UNC13C: variants seen among roughly 807,000 people sequenced by gnomAD.
UNC13C encodes protein unc-13 homolog C.
In UNC13C, 174 loss-of-function variants were observed where a neutral mutation model predicts 245.4. The ratio of observed to expected loss-of-function variants is 0.71; its 90% CI spans 0.63 to 0.80. UNC13C has a LOEUF of 0.80. UNC13C is among the 30% of genes least tolerant of loss of function. The probability of loss-of-function intolerance (pLI) is 0.00; values close to 1 mark genes in which losing one functional copy is unlikely to be tolerated. For missense variants in UNC13C, 2,829 were observed against 2,602.9 expected (o/e 1.09, Z -1.89); for synonymous variants, 992 against 895.1 (o/e 1.11, Z -1.93).
intron 2 of UNC13C, among the ~76,000 whole-genome samples, chr15:54,038,122 ATATTT>A (rs921844351): frequency 1.4e-4 from 7 of 50,256 alleles, no homozygotes; most frequent in Admixed American, 4.0e-4. Context: ...ATATATATAT[ATATTT>A]TTTTTTTTTT....
chr15:53,921,173 A>G, the UNC13C span, among the ~76,000 whole-genome samples: 2 of 152,070 alleles, frequency 1.3e-5, no homozygotes, highest in East Asian at 3.9e-4. Context: ...TATGACAGGA[A>G]AGAACATTGC....
rs1433391926 is a variant in UNC13C at position 54,623,932 on chromosome 15, A to G, written c.6337A>G (p.Lys2113Glu). 1 of 1,613,210 alleles carries G rather than the reference A, an allele frequency of 6.2e-7. No homozygotes were observed. Among genetic ancestry groups the G allele is most frequent in the Non-Finnish European group, 8.5e-7 (1 of 1,179,352 alleles). The change falls in exon 32 of 33, where the codon AAG (lysine) becomes GAG (glutamate). Residue 2113 changes from lysine (K) to glutamate (E), a missense_variant. Lys to Glu is a moderately conservative substitution (Grantham distance 56, BLOSUM62 1). Coordinates refer to ENST00000260323, the MANE Select transcript of UNC13C (RefSeq NM_001080534.3). ...TKTKSNTWSP[K>E]YNETFQFILG... The stretch of plus-strand genomic sequence containing the variant: ...AACAAAAAGCAACACATGGTCACCA[A>G]AGTACAATGAAACATTTCAGTTGTA...
intron 4 of UNC13C, among the ~76,000 whole-genome samples, chr15:54,186,017 A>G (rs543008209): frequency 1.2e-3 from 181 of 150,962 alleles, no homozygotes; most frequent in African/African-American, 4.0e-3. Context: ...TAGGTATTTT[A>G]TTCTCTTTGA....
At chr15:54,207,316 G>A (rs1156910973) in intron 4 of UNC13C, among the ~76,000 whole-genome samples, 2 of 151,862 alleles carry the variant, frequency 1.3e-5, no homozygotes, top group Non-Finnish European at 2.9e-5. Flanking sequence ...TCCTGAGAAT[G>A]GATTAGTTTC....
At chr15:54,567,770 A>T in intron 29 of UNC13C, 30 bp from the exon 30 acceptor site, 2 of 1,554,774 alleles carry the variant, frequency 1.3e-6, no homozygotes, top group Admixed American at 4.0e-5. Flanking sequence ...TTCTCTCTAA[A>T]TGCCTCGGCT....
At chr15:54,546,875 A>C (rs1484953173) in intron 27 of UNC13C, 30 bp downstream of exon 27, 1 of 1,544,950 alleles carries the variant, frequency 6.5e-7, no homozygotes, top group African/African-American at 1.4e-5. Flanking sequence ...TTATGCTTTC[A>C]TTAACCCATC....
rs2141344592 is a variant in UNC13C at position 54,200,409 on chromosome 15, C to T, written c.3072-34621C>T. ...ATTCATCAGCACATGGAACATTCTC[C>T]TGGATAGACCATATGACAGGCCACA... On this transcript the variant is annotated intron_variant, in intron 4 of 32. Coordinates refer to ENST00000260323, the MANE Select transcript of UNC13C (RefSeq NM_001080534.3). Among the ~76,000 whole-genome samples the T allele has an allele frequency of 1.3e-5, 2 of 152,152 alleles. 1 individual carries two copies. Among genetic ancestry groups the T allele is most frequent in the South Asian group, 4.1e-4 (2 of 4,824 alleles).
At position 54,533,044 on chromosome 15, in the gene UNC13C, C is replaced by G. The variant is rs373824122; in HGVS notation, c.5674C>G (p.Leu1892Val). Residue 1892 changes from leucine (L) to valine (V), a missense_variant, in exon 26 of 33, where the codon CTT becomes GTT. Coordinates refer to ENST00000260323, the MANE Select transcript of UNC13C (RefSeq NM_001080534.3). ...AMDAEIVLRSLMDFLDKTLSL... is the reference protein window; with the variant it reads ...AMDAEIVLRSVMDFLDKTLSL... ...GGATGCAGAGATTGTGTTAAGATCTCTTATGGATTTTTTGGACAAAACGTA... is the reference window on the plus strand; with the variant it reads ...GGATGCAGAGATTGTGTTAAGATCTGTTATGGATTTTTTGGACAAAACGTA... 6 of 1,593,712 alleles carry G rather than the reference C, an allele frequency of 3.8e-6. No homozygotes were observed. Among genetic ancestry groups the G allele is most frequent in the Non-Finnish European group, 5.1e-6 (6 of 1,170,274 alleles).
chr15:54,216,719 G>T (rs941063879), intron 4 of UNC13C, among the ~76,000 whole-genome samples: 35 of 152,044 alleles, frequency 2.3e-4, no homozygotes, highest in African/African-American at 8.4e-4. Context: ...CAGAGTGAGC[G>T]AGATGAAAGA....
the UNC13C span, among the ~76,000 whole-genome samples, chr15:53,943,416 CAAG>C: frequency 4.6e-5 from 7 of 151,984 alleles, no homozygotes; most frequent in Non-Finnish European, 1.0e-4. Flanking sequence ...TCTCAAATAA[CAAG>C]AATTATCTCC....
At chr15:54,608,050 T>C (rs1899867187) in intron 30 of UNC13C, among the ~76,000 whole-genome samples, 5 of 152,088 alleles carry the variant, frequency 3.3e-5, no homozygotes, top group African/African-American at 1.2e-4. Flanking sequence ...ACTAAACAGA[T>C]GAAGTTCAAG....
At chr15:54,226,287 G>A (rs936999832) in intron 4 of UNC13C, among the ~76,000 whole-genome samples, 8 of 152,256 alleles carry the variant, frequency 5.3e-5, no homozygotes, top group Admixed American at 2.0e-4. Context: ...TCTCTTCTAG[G>A]TTCTGGTATC....
At chr15:54,491,229 G>A (rs968203123) in intron 19 of UNC13C, among the ~76,000 whole-genome samples, 2 of 152,050 alleles carry the variant, frequency 1.3e-5, no homozygotes, top group South Asian at 2.1e-4. Flanking sequence ...ATTAATTCAG[G>A]CTCATTCCTA....
intron 19 of UNC13C, among the ~76,000 whole-genome samples, chr15:54,446,532 A>C (rs896001448): frequency 8.5e-5 from 13 of 152,132 alleles, no homozygotes; most frequent in Non-Finnish European, 1.5e-4. Context: ...TTGGATTCCT[A>C]GGTATTTTAT....
intron 4 of UNC13C, among the ~76,000 whole-genome samples, chr15:54,186,783 T>C (rs2033998331): frequency 6.7e-6 from 1 of 150,354 alleles, no homozygotes; most frequent in South Asian, 2.1e-4. Context: ...TACTTAATGC[T>C]CACTGCCCTT....
At chr15:54,462,620 C>T (rs1401973590) in intron 19 of UNC13C, among the ~76,000 whole-genome samples, 1 of 152,242 alleles carries the variant, frequency 6.6e-6, no homozygotes, top group East Asian at 1.9e-4. Flanking sequence ...GGAGGGGGCG[C>T]CGGGTCCCCC....
At chr15:54,430,222 A>C (rs1272455041) in intron 19 of UNC13C, among the ~76,000 whole-genome samples, 1 of 151,660 alleles carries the variant, frequency 6.6e-6, no homozygotes, top group East Asian at 1.9e-4. Context: ...GTGCTTTATC[A>C]ATTTTTGTAC....
intron 4 of UNC13C, among the ~76,000 whole-genome samples, chr15:54,167,194 A>G (rs1167633869): frequency 2.6e-5 from 4 of 152,154 alleles, no homozygotes; most frequent in African/African-American, 9.7e-5. Flanking sequence ...CATAAATGAT[A>G]AAGCAACCCA....
intron 20 of UNC13C, 79 bp downstream of exon 20, chr15:54,494,813 T>C: frequency 6.7e-7 from 1 of 1,487,624 alleles, no homozygotes; most frequent in East Asian, 2.3e-5. Context: ...TGTGTACCAC[T>C]AAAATCTCTT....
Sources: allele counts gnomAD v4.1 joint callset (sites outside exome capture counted in the v4.1 genomes callset), GRCh38; gene constraint gnomAD v4.1.1; transcripts MANE v1.5; gene names NCBI Gene and HGNC (gene_info 2026-07-23, HGNC 2026-07-21).